SLC25A12: variants seen among roughly 807,000 people sequenced by gnomAD.
The protein encoded by SLC25A12 is electrogenic aspartate/glutamate antiporter SLC25A12, mitochondrial.
A neutral mutation model predicts 83.3 loss-of-function variants in SLC25A12; 32 were observed. The ratio of observed to expected loss-of-function variants is 0.38; its 90% CI spans 0.29 to 0.52. The LOEUF (loss-of-function observed/expected upper bound fraction) is 0.52. Ranked by LOEUF, SLC25A12 falls within the 20% of genes least tolerant of loss-of-function variation. SLC25A12 has a pLI of 0.84. For missense variants in SLC25A12, 611 were observed against 835.6 expected (o/e 0.73, Z 3.31); for synonymous variants, 267 against 291.1 (o/e 0.92, Z 0.84).
At chr2:171,821,010 A>C (rs1684176638) in intron 9 of SLC25A12, among the ~76,000 whole-genome samples, 2 of 144,560 alleles carry the variant, frequency 1.4e-5, no homozygotes, top group Non-Finnish European at 3.0e-5. Flanking sequence ...ACGCAGCTAT[A>C]AACATTCTTT....
rs1270396771 is a variant in SLC25A12, at chr2:171,787,639, G to C, written c.1767C>G (p.Pro589=). The change falls in exon 17 of 18, where the codon CCC becomes CCG. Residue 589 remains proline, a synonymous_variant. Coordinates refer to ENST00000422440, the MANE Select transcript of SLC25A12 (RefSeq NM_003705.5). The part of the protein sequence containing the change: ...GTAARVFRSS[P]QFGVTLVTYE... ...AAGTGACCAAGGTAACACCAAACTG[G>C]GGAGAGGATCGAAACACTCGAGCTG... is the stretch of plus-strand genomic sequence containing the variant. The C allele has an allele frequency of 6.2e-7, 1 of 1,614,122 alleles. No homozygotes were observed. The highest frequency in any genetic ancestry group is 1.3e-5 in the African/African-American group (1 of 75,022).
chr2:171,847,812 T>A (rs1684831960), intron 4 of SLC25A12, among the ~76,000 whole-genome samples: 1 of 152,218 alleles, frequency 6.6e-6, no homozygotes, highest in Non-Finnish European at 1.5e-5. Context: ...TGGTTTATAC[T>A]TCCATTGAAA....
At chr2:171,801,718 G>A (rs1312056542) in intron 13 of SLC25A12, among the ~76,000 whole-genome samples, 1 of 152,028 alleles carries the variant, frequency 6.6e-6, no homozygotes, top group African/African-American at 2.4e-5. Context: ...TATAAAACAG[G>A]CTTTGTGTTT....
chr2:171,851,186 T>G (rs1684919963), intron 4 of SLC25A12, among the ~76,000 whole-genome samples: 1 of 151,796 alleles, frequency 6.6e-6, no homozygotes, highest in Non-Finnish European at 1.5e-5. Flanking sequence ...TTTGTTGTGG[T>G]TTTTTCTTGT....
intron 4 of SLC25A12, among the ~76,000 whole-genome samples, chr2:171,854,544 G>A (rs1356255317): frequency 6.6e-6 from 1 of 152,022 alleles, no homozygotes; most frequent in Non-Finnish European, 1.5e-5. Context: ...TCCAGTCTGG[G>A]CGACAGAGCA....
chr2:171,892,895 C>G (rs535592097), intron 2 of SLC25A12, among the ~76,000 whole-genome samples: 1 of 151,950 alleles, frequency 6.6e-6, no homozygotes, highest in Non-Finnish European at 1.5e-5. Context: ...ATTAACTATA[C>G]AAGAATGCCA....
Position 171,828,668 on chromosome 2 carries a change from C to T in SLC25A12, c.846-1786G>A, listed in dbSNP as rs1357481565. Among the ~76,000 whole-genome samples the T allele has an allele frequency of 2.0e-5, 3 of 152,316 alleles. No individual in the cohort carries two copies. The East Asian group carries it at 5.8e-4, about 29-fold the overall frequency. ...TTATTTCATTTTTCATGCCCAAAAT[C>T]TACCTTTCCCCCCTTGAGATTACCT... On this transcript the variant is annotated intron_variant, in intron 8 of 17. Coordinates refer to ENST00000422440, the MANE Select transcript of SLC25A12 (RefSeq NM_003705.5).
intron 4 of SLC25A12, among the ~76,000 whole-genome samples, chr2:171,853,421 A>G (rs59254795): frequency 0.77 from 116,944 of 151,952 alleles, 46,063 homozygotes; most frequent in East Asian, 0.89. Context: ...CACGCCTGTA[A>G]TCTCAGCACT....
intron 5 of SLC25A12, 102 bp downstream of exon 5, chr2:171,844,267 T>A (rs1684745786): frequency 2.4e-6 from 3 of 1,264,460 alleles, no homozygotes; most frequent in South Asian, 1.3e-5. Flanking sequence ...AGGAGTGAAA[T>A]ACCATGGAGA....
intron 9 of SLC25A12, among the ~76,000 whole-genome samples, chr2:171,817,575 T>C (rs1198011269): frequency 8.5e-6 from 1 of 117,352 alleles, no homozygotes; most frequent in African/African-American, 3.4e-5. Context: ...CACTCCAGCC[T>C]GAGTGACAGA....
intron 14 of SLC25A12, among the ~76,000 whole-genome samples, 197 bp downstream of exon 14, chr2:171,793,430 C>G (rs1683530813): frequency 6.6e-6 from 1 of 152,068 alleles, no homozygotes; most frequent in South Asian, 2.1e-4. Context: ...TTCATAAAAG[C>G]CTGATGACAA....
rs2105888897 is a variant in SLC25A12 at position 171,837,185 on chromosome 2, C to G, written c.548G>C (p.Ser183Thr). 6.2e-7 allele frequency: 1 copy of G among 1,614,098 alleles called. No individual in the cohort carries two copies. Among genetic ancestry groups the G allele is most frequent in the Non-Finnish European group, 8.5e-7 (1 of 1,179,978 alleles). Residue 183 changes from serine to threonine, a missense_variant, in exon 6 of 18, where the codon AGT becomes ACT. Coordinates refer to ENST00000422440, the MANE Select transcript of SLC25A12 (RefSeq NM_003705.5). ...KSGMISGLDF[S>T]DIMVTIRSHM... Reference sequence around the variant, plus strand: ...AGATCTAATGGTAACCATGATGTCACTGAAATCCAGACCAGAAATCATGCC... The same window carrying G: ...AGATCTAATGGTAACCATGATGTCAGTGAAATCCAGACCAGAAATCATGCC...
chr2:171,866,135 G>A (rs1238450355), intron 3 of SLC25A12, among the ~76,000 whole-genome samples: 1 of 134,698 alleles, frequency 7.4e-6, no homozygotes, highest in Admixed American at 7.7e-5. Context: ...CACAGCACAT[G>A]TTTCAGAGAG....
Position 171,791,571 on chromosome 2 carries a change from G to A in SLC25A12, c.1465C>T (p.Leu489Phe), listed in dbSNP as rs1683458206. Reference protein sequence around the residue: ...GLYKGAKACFLRDIPFSAIYF... With the variant: ...GLYKGAKACFFRDIPFSAIYF... The stretch of plus-strand genomic sequence containing the variant: ...ATTGCAGAGAAGGGAATGTCTCGGA[G>A]GAAACACGCTTTGGCACCCTGTCAC... Residue 489 changes from leucine to phenylalanine, a missense_variant, in exon 15 of 18, where the codon CTC (leucine) becomes TTC (phenylalanine). Transcript: ENST00000422440. The A allele has an allele frequency of 1.2e-6, 2 of 1,613,984 alleles. No homozygotes were observed. The highest frequency in any genetic ancestry group is 1.3e-5 in the African/African-American group (1 of 74,930).
chr2:171,871,479 G>C (rs1013098125), intron 2 of SLC25A12, among the ~76,000 whole-genome samples: 1 of 152,080 alleles, frequency 6.6e-6, no homozygotes, highest in Non-Finnish European at 1.5e-5. Flanking sequence ...AGGAATGGGA[G>C]AATCACTTGA....
intron 8 of SLC25A12, 139 bp downstream of exon 8, chr2:171,833,824 C>T: frequency 1.8e-6 from 1 of 554,444 alleles, no homozygotes; most frequent in Non-Finnish European, 3.3e-6. Flanking sequence ...GCTTGTCTTT[C>T]TTGGAATTTA....
chr2:171,894,021 C>A (rs1574014217), intron 1 of SLC25A12, among the ~76,000 whole-genome samples, 182 bp downstream of exon 1: 1 of 152,166 alleles, frequency 6.6e-6, no homozygotes, highest in East Asian at 1.9e-4. Context: ...TCCCCTCCCC[C>A]AGCCGGGCAT....
chr2:171,808,088 T>C (rs569095316), intron 13 of SLC25A12, among the ~76,000 whole-genome samples: 116 of 152,380 alleles, frequency 7.6e-4, no homozygotes, highest in Non-Finnish European at 1.5e-3. Context: ...AAGTTATTAA[T>C]GTTTCCAAGA....
At chr2:171,803,985 C>T (rs571062787) in intron 13 of SLC25A12, among the ~76,000 whole-genome samples, 8 of 152,052 alleles carry the variant, frequency 5.3e-5, no homozygotes, top group South Asian at 4.1e-4. Context: ...TCCACTCATA[C>T]GTATATACCC....
Sources: allele counts gnomAD v4.1 joint callset (sites outside exome capture counted in the v4.1 genomes callset), GRCh38; gene constraint gnomAD v4.1.1; transcripts MANE v1.5; gene names NCBI Gene and HGNC (gene_info 2026-07-23, HGNC 2026-07-21).